SRBD1: variants seen among roughly 807,000 people sequenced by gnomAD.
SRBD1 encodes S1 RNA-binding domain-containing protein 1.
A neutral mutation model predicts 115.3 loss-of-function variants in SRBD1; 88 were observed. That is an observed-to-expected ratio of 0.76 (90% CI 0.64 to 0.91). SRBD1 has a LOEUF of 0.91. Among genes scored for constraint, SRBD1 ranks in the 40% least tolerant of loss-of-function variants. The pLI is 0.00. For synonymous variants in SRBD1, 509 were observed against 407.7 expected (o/e 1.25, Z -2.99); for missense variants, 1,385 against 1,177.4 (o/e 1.18, Z -2.58).
chr2:45,525,305 T>C (rs917432779), intron 14 of SRBD1, among the ~76,000 whole-genome samples: 2 of 151,940 alleles, frequency 1.3e-5, no homozygotes, highest in African/African-American at 4.8e-5. Flanking sequence ...ACTTCAAAAT[T>C]TAAAACTTTT....
In SRBD1 at chr2:45,418,463, T is replaced by C. The variant is rs141363238; in HGVS notation, c.2235A>G (p.Arg745=). The change falls in exon 18 of 21, where the codon CGA becomes CGG. Residue 745 remains arginine, a synonymous_variant. Transcript: ENST00000263736. ...WREKNGPFIN[R]EQLKKVKGLG... is the part of the protein sequence containing the mutation. Reference sequence around the variant, plus strand: ...GCCCTTTCACTTTCTTCAGCTGTTCTCGGTTGATAAAGGGTCCATTTTTCT... The same window carrying C: ...GCCCTTTCACTTTCTTCAGCTGTTCCCGGTTGATAAAGGGTCCATTTTTCT... 6.2e-7 allele frequency: 1 copy of C among 1,613,966 alleles called. No individual in the cohort carries two copies. Among genetic ancestry groups the C allele is most frequent in the Non-Finnish European group, 8.5e-7 (1 of 1,179,964 alleles).
In SRBD1 at chr2:45,466,797, A is replaced by C. The variant is rs181304677; in HGVS notation, c.2049+10196T>G. ...CTACATTACATACACTGCAATGTGC[A>C]TTCAAAACACCTAGAAATCTTGTTA... On this transcript the variant is annotated intron_variant, in intron 16 of 20. Coordinates refer to ENST00000263736, the MANE Select transcript of SRBD1 (RefSeq NM_018079.5). 2.1e-3 allele frequency among the ~76,000 whole-genome samples: 319 copies of C among 152,316 alleles called. 1 individual carries two copies. The highest frequency in any genetic ancestry group is 7.3e-3 in the African/African-American group (303 of 41,574).
chr2:45,553,211 A>C (rs559819559), intron 11 of SRBD1, among the ~76,000 whole-genome samples: 1 of 152,108 alleles, frequency 6.6e-6, no homozygotes, highest in Non-Finnish European at 1.5e-5. Flanking sequence ...CATTTTAATA[A>C]TCTCCTAATA....
rs146001879 is a variant in SRBD1, at chr2:45,429,655, A to C, written c.2050-9761T>G. Among the ~76,000 whole-genome samples, 942 of 152,362 alleles carry C rather than the reference A, an allele frequency of 6.2e-3. 7 individuals are homozygous for C. The highest frequency in any genetic ancestry group is 0.019 in the African/African-American group (806 of 41,592). On this transcript the variant is annotated intron_variant, in intron 16 of 20. Coordinates refer to ENST00000263736, the MANE Select transcript of SRBD1 (RefSeq NM_018079.5). ...TTATGCAACGTATCTCAAAATAATA[A>C]GAGCTGTTTATGACACACAGCCAAT...
chr2:45,442,143 A>G (rs1668688635), intron 16 of SRBD1, among the ~76,000 whole-genome samples: 1 of 152,208 alleles, frequency 6.6e-6, no homozygotes, highest in African/African-American at 2.4e-5. Context: ...CGGTATGCAA[A>G]GACACACTAG....
chr2:45,540,934 G>C (rs1232088981), intron 14 of SRBD1, among the ~76,000 whole-genome samples: 1 of 152,224 alleles, frequency 6.6e-6, no homozygotes, highest in Non-Finnish European at 1.5e-5. Flanking sequence ...AATCCTTAGG[G>C]TGTCACTTTT....
rs187468836 is a variant in SRBD1, at chr2:45,542,479, C to T, written c.1874+4253G>A. On this transcript the variant is annotated intron_variant, in intron 14 of 20. Transcript: ENST00000263736. ...ACCTGGTAGGAGGTGGGGCTCCCAT[C>T]ACCTGTGGAGCATGCAACCCAAGCC... Among the ~76,000 whole-genome samples the T allele has an allele frequency of 1.8e-3, 280 of 152,328 alleles. 1 individual carries two copies. Among genetic ancestry groups the T allele is most frequent in the Non-Finnish European group, 2.1e-3 (140 of 68,008 alleles).
At chr2:45,492,451 G>A (rs1360694573) in intron 14 of SRBD1, among the ~76,000 whole-genome samples, 2 of 151,872 alleles carry the variant, frequency 1.3e-5, no homozygotes, top group Non-Finnish European at 2.9e-5. Flanking sequence ...TGTTGTTGTT[G>A]TTTTTGAGAC....
intron 14 of SRBD1, among the ~76,000 whole-genome samples, chr2:45,543,913 C>T (rs1411502306): frequency 2.0e-5 from 3 of 152,076 alleles, no homozygotes; most frequent in Non-Finnish European, 4.4e-5. Context: ...AAGGAGAAAA[C>T]AGACTATAGG....
chr2:45,530,269 G>T (rs1671572230), intron 14 of SRBD1, among the ~76,000 whole-genome samples: 1 of 151,896 alleles, frequency 6.6e-6, no homozygotes, highest in Non-Finnish European at 1.5e-5. Context: ...AATATCTTAC[G>T]ATCCTTGACT....
intron 16 of SRBD1, among the ~76,000 whole-genome samples, chr2:45,455,089 T>A (rs1039297235): frequency 6.6e-6 from 1 of 151,918 alleles, no homozygotes; most frequent in East Asian, 1.9e-4. Context: ...TAGTTTGCTA[T>A]AAAATGTTTT....
Position 45,510,460 on chromosome 2 carries a change from C to T in SRBD1, c.1875-22129G>A, listed in dbSNP as rs142906651. ...CAAAGATTAGAATTTACTGCATTAC[C>T]CTCTAAAATACAGAAAAATCTTTCC... On this transcript the variant is annotated intron_variant, in intron 14 of 20. Coordinates refer to ENST00000263736, the MANE Select transcript of SRBD1 (RefSeq NM_018079.5). Among the ~76,000 whole-genome samples the T allele has an allele frequency of 1.0e-3, 159 of 152,054 alleles. 2 individuals are homozygous for T. Among genetic ancestry groups the T allele is most frequent in the Non-Finnish European group, 2.0e-3 (136 of 67,996 alleles).
intron 20 of SRBD1, among the ~76,000 whole-genome samples, chr2:45,391,810 A>T (rs1667011248): frequency 6.6e-6 from 1 of 152,210 alleles, no homozygotes; most frequent in African/African-American, 2.4e-5. Flanking sequence ...AATCGACACT[A>T]TGACAGAAAA....
intron 12 of SRBD1, among the ~76,000 whole-genome samples, chr2:45,550,841 A>C (rs1344020282): frequency 6.6e-6 from 1 of 152,224 alleles, no homozygotes. Flanking sequence ...CAATAATAGA[A>C]TCTGATGGGG....
chr2:45,431,628 G>A (rs985080556), intron 16 of SRBD1, among the ~76,000 whole-genome samples: 1 of 152,134 alleles, frequency 6.6e-6, no homozygotes, highest in African/African-American at 2.4e-5. Flanking sequence ...GGCCTGTCAG[G>A]GGGTGGAAGG....
intron 4 of SRBD1, among the ~76,000 whole-genome samples, chr2:45,595,358 T>C (rs1673862023): frequency 6.6e-6 from 1 of 152,248 alleles, no homozygotes; most frequent in South Asian, 2.1e-4. Flanking sequence ...CATTTCCACA[T>C]GTTCAACTAG....
rs74751815 is a variant in SRBD1, at chr2:45,487,558, T to G, written c.1966+682A>C. Among the ~76,000 whole-genome samples, 1,051 of 152,330 alleles carry G rather than the reference T, an allele frequency of 6.9e-3. 14 individuals are homozygous for G. Among genetic ancestry groups the G allele is most frequent in the African/African-American group, 0.024 (1,001 of 41,566 alleles). On this transcript the variant is annotated intron_variant, in intron 15 of 20. Coordinates refer to ENST00000263736, the MANE Select transcript of SRBD1 (RefSeq NM_018079.5). ...CTTTCATAAATTTGTATTACAAATA[T>G]TTTTATGTTACTGTATTACTTTTTG...
In SRBD1 at chr2:45,518,688, A is replaced by T. The variant is rs145564135; in HGVS notation, c.1874+28044T>A. Among the ~76,000 whole-genome samples the T allele has an allele frequency of 1.2e-3, 181 of 152,326 alleles. 2 individuals carry two copies. Among genetic ancestry groups the T allele is most frequent in the African/African-American group, 4.2e-3 (175 of 41,578 alleles). On this transcript the variant is annotated intron_variant, in intron 14 of 20. Transcript: ENST00000263736. Reference sequence around the variant, plus strand: ...CTTTTTTATGTTTTGGACAGACTATAAAGGGATAGTCTGAAAAAGCACAGA... The same window carrying T: ...CTTTTTTATGTTTTGGACAGACTATTAAGGGATAGTCTGAAAAAGCACAGA...
At chr2:45,551,101 A>T (rs1162516784) in intron 12 of SRBD1, 24 bp downstream of exon 12, 32 of 1,571,058 alleles carry the variant, frequency 2.0e-5, no homozygotes, top group Non-Finnish European at 2.7e-5. Flanking sequence ...CAACTTTTAC[A>T]TGGAAAATTG....
Sources: allele counts gnomAD v4.1 joint callset (sites outside exome capture counted in the v4.1 genomes callset), GRCh38; gene constraint gnomAD v4.1.1; transcripts MANE v1.5; gene names NCBI Gene and HGNC (gene_info 2026-07-23, HGNC 2026-07-21).